OLFM4: variants seen among roughly 807,000 people sequenced by gnomAD.
The protein encoded by OLFM4 is olfactomedin 4, also known as olfactomedin-4.
A neutral mutation model predicts 25.5 loss-of-function variants in OLFM4; 22 were observed. The ratio of observed to expected loss-of-function variants is 0.86; its 90% CI spans 0.62 to 1.23. The LOEUF (loss-of-function observed/expected upper bound fraction) is 1.23, where lower values mean the gene tolerates loss of function less well. Ranked by LOEUF, OLFM4 falls within the 50% of genes most tolerant of loss-of-function variation. The pLI is 0.00. For synonymous variants in OLFM4, 255 were observed against 237.7 expected (o/e 1.07, Z -0.67); for missense variants, 594 against 619.4 (o/e 0.96, Z 0.44).
At chr13:53,045,068 T>C (rs773369381) in intron 4 of OLFM4, among the ~76,000 whole-genome samples, 6 of 152,094 alleles carry the variant, frequency 3.9e-5, no homozygotes, top group Admixed American at 2.0e-4. Flanking sequence ...AAGTAGTTAA[T>C]GACAGAGCAG....
chr13:53,043,363 G>A (rs1954698038), intron 4 of OLFM4, 99 bp downstream of exon 4: 1 of 887,648 alleles, frequency 1.1e-6, no homozygotes, highest in Non-Finnish European at 1.5e-6. Context: ...GAAAGAAGAA[G>A]GTGGGTTGTT....
At chr13:53,042,161 A>G in intron 3 of OLFM4, 39 bp downstream of exon 3, 1 of 1,564,942 alleles carries the variant, frequency 6.4e-7, no homozygotes, top group Non-Finnish European at 8.8e-7. Flanking sequence ...TTAATAATAA[A>G]CTCCCTTCAG....
At chr13:53,043,972 A>C (rs2138239174) in intron 4 of OLFM4, among the ~76,000 whole-genome samples, 1 of 152,292 alleles carries the variant, frequency 6.6e-6, no homozygotes, top group South Asian at 2.1e-4. Context: ...GAGGCAGTGG[A>C]GTGTAGGGTA....
At chr13:53,034,251 C>T in intron 1 of OLFM4, 97 bp from the exon 2 acceptor site, 2 of 1,162,784 alleles carry the variant, frequency 1.7e-6, no homozygotes, top group Non-Finnish European at 2.5e-6. Context: ...CACTTACTTG[C>T]CTGTAAGTAC....
chr13:53,044,219 A>G (rs1044561895), intron 4 of OLFM4, among the ~76,000 whole-genome samples: 1 of 152,198 alleles, frequency 6.6e-6, no homozygotes, highest in South Asian at 2.1e-4. Context: ...GCCTTGCAGC[A>G]AAACAAAAGC....
intron 2 of OLFM4, among the ~76,000 whole-genome samples, chr13:53,038,620 C>T (rs1384465305): frequency 1.3e-5 from 2 of 152,064 alleles, no homozygotes; most frequent in Non-Finnish European, 2.9e-5. Flanking sequence ...CTGTCATAGA[C>T]AAAAATGTTA....
chr13:53,043,345 G>A, intron 4 of OLFM4, 81 bp downstream of exon 4: 1 of 1,040,392 alleles, frequency 9.6e-7, no homozygotes, highest in Non-Finnish European at 1.3e-6. Context: ...ATTGGGGATT[G>A]CAATGGTGAA....
chr13:53,029,249 C>A (rs1172375363), intron 1 of OLFM4, among the ~76,000 whole-genome samples: 1 of 152,170 alleles, frequency 6.6e-6, no homozygotes, highest in Non-Finnish European at 1.5e-5. Flanking sequence ...AGTTCTCCAG[C>A]TGGGACTTTT....
At chr13:53,045,667 C>T (rs949243103) in intron 4 of OLFM4, among the ~76,000 whole-genome samples, 9 of 152,124 alleles carry the variant, frequency 5.9e-5, no homozygotes, top group African/African-American at 1.4e-4. Flanking sequence ...AGTAACTCTG[C>T]GCTCTCTGGG....
At chr13:53,037,189 C>T (rs573810931) in intron 2 of OLFM4, among the ~76,000 whole-genome samples, 3 of 152,324 alleles carry the variant, frequency 2.0e-5, no homozygotes, top group African/African-American at 7.2e-5. Flanking sequence ...ACAGAGAAGA[C>T]AGGGAGCTGC....
Position 53,045,227 on chromosome 13 carries a change from A to AT in OLFM4, c.730+1973dup, listed in dbSNP as rs757982392. On this transcript the variant is annotated intron_variant, in intron 4 of 4. Coordinates refer to ENST00000219022, the MANE Select transcript of OLFM4 (RefSeq NM_006418.5). ...GAGCCTGTTGGGTTGTTTTTGTTGG[A>AT]TTTTTTTTTTCCCAGAACTTTCCCC... Among the ~76,000 whole-genome samples, 87 of 149,594 alleles carry AT rather than the reference A, an allele frequency of 5.8e-4. 1 individual carries two copies. The East Asian group carries it at 6.5e-3, about 11-fold the overall frequency.
At chr13:53,034,655 G>A (rs1190204717) in intron 2 of OLFM4, among the ~76,000 whole-genome samples, 155 bp downstream of exon 2, 4 of 152,164 alleles carry the variant, frequency 2.6e-5, no homozygotes, top group Non-Finnish European at 5.9e-5. Context: ...GACACCAATG[G>A]AGTTCTTATT....
chr13:53,031,847 C>T (rs1051216561), intron 1 of OLFM4, among the ~76,000 whole-genome samples: 2 of 152,162 alleles, frequency 1.3e-5, no homozygotes, highest in Non-Finnish European at 2.9e-5. Context: ...GAAGGGGAAT[C>T]GCATATTCTT....
chr13:53,037,231 T>A lies in OLFM4; in HGVS notation c.357+2731T>A, dbSNP rs1281015394. ...ATAAGATGCTGAAAGCATTTTATAC[T>A]TTTCTGTTGTTTACGGTATGTCCTT... On this transcript the variant is annotated intron_variant, in intron 2 of 4. Transcript: ENST00000219022. Among the ~76,000 whole-genome samples the A allele has an allele frequency of 2.0e-5, 3 of 152,230 alleles. No individual in the cohort carries two copies. In the South Asian group the frequency reaches 6.2e-4, roughly 32 times the overall value.
chr13:53,038,137 G>A (rs1954668754), intron 2 of OLFM4, among the ~76,000 whole-genome samples: 1 of 152,108 alleles, frequency 6.6e-6, no homozygotes, highest in Non-Finnish European at 1.5e-5. Flanking sequence ...TGTTGACACA[G>A]GACGTGTCTC....
At chr13:53,034,206 G>C in intron 1 of OLFM4, 142 bp from the exon 2 acceptor site, 1 of 743,922 alleles carries the variant, frequency 1.3e-6, no homozygotes, top group Non-Finnish European at 2.1e-6. Flanking sequence ...GTTTTAGCTT[G>C]TTTCTATGAT....
At chr13:53,043,502 A>G (rs1340685964) in intron 4 of OLFM4, among the ~76,000 whole-genome samples, 2 of 152,110 alleles carry the variant, frequency 1.3e-5, no homozygotes, top group Non-Finnish European at 2.9e-5. Flanking sequence ...GTTGATTTAA[A>G]GCAAAATCCA....
rs1409563520 is a variant in OLFM4, at chr13:53,050,536, C to T, written c.1298C>T (p.Ala433Val). Residue 433 changes from alanine to valine, a missense_variant, in exon 5 of 5, where the codon GCC becomes GTC. By Grantham distance (64) the Ala-to-Val change is moderately conservative (BLOSUM62 0). Transcript: ENST00000219022. ...TKQYKPSASN[A>V]FMVCGVLYAT... Reference sequence around the variant, plus strand: ...CAGTATAAACCATCTGCTTCTAACGCCTTCATGGTATGTGGGGTTCTGTAT... The same window carrying T: ...CAGTATAAACCATCTGCTTCTAACGTCTTCATGGTATGTGGGGTTCTGTAT... 6.2e-7 allele frequency: 1 copy of T among 1,613,876 alleles called. No homozygotes were observed. The highest frequency in any genetic ancestry group is 2.2e-5 in the East Asian group (1 of 44,872).
intron 2 of OLFM4, among the ~76,000 whole-genome samples, chr13:53,037,446 G>A (rs143758205): frequency 1.3e-5 from 2 of 152,194 alleles, no homozygotes; most frequent in Non-Finnish European, 2.9e-5. Flanking sequence ...TGATTGAGCC[G>A]TATTTGTATA....
Sources: allele counts gnomAD v4.1 joint callset (sites outside exome capture counted in the v4.1 genomes callset), GRCh38; gene constraint gnomAD v4.1.1; transcripts MANE v1.5; gene names NCBI Gene and HGNC (gene_info 2026-07-23, HGNC 2026-07-21).